The following CDH12 variants were observed in gnomAD, a reference collection of about 807,000 sequenced individuals.
The protein encoded by CDH12 is cadherin 12.
Under a neutral mutation model 74.1 loss-of-function variants are expected in CDH12, and 41 were observed. The ratio of observed to expected loss-of-function variants is 0.55; its 90% CI spans 0.43 to 0.72. The LOEUF is 0.72. CDH12 is among the 30% of genes least tolerant of loss of function. The pLI is 0.00. For synonymous variants in CDH12, 399 were observed against 355.0 expected, an observed-to-expected ratio of 1.12 and a Z score of -1.39; for missense variants, 945 against 977.2, an observed-to-expected ratio of 0.97 and a Z score of 0.44.
At chr5:22,116,970 C>CT (rs1359217417) in intron 4 of CDH12, among the ~76,000 whole-genome samples, 1 of 82,432 alleles carries the variant, frequency 1.2e-5, no homozygotes, top group Non-Finnish European at 2.5e-5. Flanking sequence ...CCTCTTTTTT[C>CT]TTTTTTCCTG....
chr5:21,872,402 C>T (rs757914313), intron 6 of CDH12, among the ~76,000 whole-genome samples: 17 of 152,110 alleles, frequency 1.1e-4, no homozygotes, highest in Non-Finnish European at 2.2e-4. Context: ...TCTATAGTAC[C>T]ATAAATATCA....
Position 22,803,202 on chromosome 5 carries a change from G to C in CDH12, c.-523+49856C>G, listed in dbSNP as rs370040174. On this transcript the variant is annotated intron_variant, in intron 1 of 14. Coordinates refer to ENST00000382254, the MANE Select transcript of CDH12 (RefSeq NM_004061.5). Reference sequence around the variant, plus strand: ...AAAGTTTATAATAGGCATTATTTTCGTGTTAGTCTTCCACATCTCCAAAAA... The same window carrying C: ...AAAGTTTATAATAGGCATTATTTTCCTGTTAGTCTTCCACATCTCCAAAAA... Among the ~76,000 whole-genome samples the C allele has an allele frequency of 3.9e-5, 6 of 152,166 alleles. No homozygotes were observed. In the East Asian group the frequency reaches 1.2e-3, roughly 29 times the overall value.
At chr5:22,195,164 G>A (rs1750548900) in intron 4 of CDH12, among the ~76,000 whole-genome samples, 1 of 152,200 alleles carries the variant, frequency 6.6e-6, no homozygotes, top group African/African-American at 2.4e-5. Flanking sequence ...TGAGACCAAG[G>A]TCGTAGCTAG....
At chr5:21,913,024 G>A (rs1753931287) in intron 6 of CDH12, among the ~76,000 whole-genome samples, 1 of 152,108 alleles carries the variant, frequency 6.6e-6, no homozygotes, top group Non-Finnish European at 1.5e-5. Context: ...TGTATTTTTA[G>A]TAGATATGGG....
intron 6 of CDH12, among the ~76,000 whole-genome samples, chr5:21,971,696 G>T (rs1265997661): frequency 1.3e-5 from 2 of 152,066 alleles, no homozygotes; most frequent in South Asian, 2.1e-4. Flanking sequence ...ATTAAAGAGG[G>T]TACATTCCTA....
At chr5:22,146,539 C>G (rs1021802630) in intron 4 of CDH12, among the ~76,000 whole-genome samples, 2 of 151,910 alleles carry the variant, frequency 1.3e-5, no homozygotes, top group African/African-American at 2.4e-5. Context: ...TGGCCTCTAC[C>G]CCATTACGTT....
intron 1 of CDH12, among the ~76,000 whole-genome samples, chr5:22,830,478 C>T (rs899424056): frequency 1.3e-5 from 2 of 151,532 alleles, no homozygotes; most frequent in South Asian, 2.1e-4. Flanking sequence ...GATGATATTC[C>T]CCCTAATGAT....
chr5:22,575,646 C>T (rs776522829), intron 1 of CDH12, among the ~76,000 whole-genome samples: 2 of 152,116 alleles, frequency 1.3e-5, no homozygotes, highest in Admixed American at 6.5e-5. Flanking sequence ...ATCACTACAA[C>T]GTCTGCCTCC....
chr5:22,631,515 T>C (rs550186215), intron 1 of CDH12, among the ~76,000 whole-genome samples: 8 of 152,252 alleles, frequency 5.3e-5, no homozygotes, highest in Admixed American at 1.3e-4. Flanking sequence ...GCCATTATCT[T>C]AAGTGAACCG....
At chr5:22,400,238 T>C (rs1742670538) in intron 3 of CDH12, among the ~76,000 whole-genome samples, 1 of 152,140 alleles carries the variant, frequency 6.6e-6, no homozygotes, top group Admixed American at 6.6e-5. Flanking sequence ...GTTTTTTTTA[T>C]TGTATGCTTC....
chr5:22,218,235 G>T (rs921641499), intron 3 of CDH12, among the ~76,000 whole-genome samples: 1 of 151,474 alleles, frequency 6.6e-6, no homozygotes, highest in Non-Finnish European at 1.5e-5. Context: ...CAGCCATCTC[G>T]CTCTGAAGTA....
At chr5:22,154,460 CAT>C (rs1554015844) in intron 4 of CDH12, among the ~76,000 whole-genome samples, 2 of 972 alleles carry the variant, frequency 2.1e-3, no homozygotes, top group South Asian at 0.042. Context: ...TATATGTACA[CAT>C]ATATATGTAC....
intron 6 of CDH12, among the ~76,000 whole-genome samples, chr5:21,901,722 C>T (rs143756864): frequency 1.3e-5 from 2 of 152,242 alleles, no homozygotes; most frequent in East Asian, 1.9e-4. Flanking sequence ...CCACTTTGAA[C>T]TCCCAAGCAA....
At chr5:22,434,421 C>T (rs985932995) in intron 2 of CDH12, among the ~76,000 whole-genome samples, 3 of 152,004 alleles carry the variant, frequency 2.0e-5, no homozygotes, top group African/African-American at 4.8e-5. Context: ...TTTTTCTTGT[C>T]CAAATTTTCC....
chr5:22,639,646 T>G (rs1739039060), intron 1 of CDH12, among the ~76,000 whole-genome samples: 1 of 152,092 alleles, frequency 6.6e-6, no homozygotes, highest in African/African-American at 2.4e-5. Flanking sequence ...TACTTTCCAG[T>G]TTCCAAAGGC....
intron 2 of CDH12, among the ~76,000 whole-genome samples, chr5:22,426,300 GTTTTA>G (rs1376285829): frequency 1.3e-5 from 2 of 149,046 alleles, no homozygotes; most frequent in Non-Finnish European, 1.5e-5. Flanking sequence ...ATATTGTTGT[GTTTTA>G]TTTTATTTTT....
intron 1 of CDH12, among the ~76,000 whole-genome samples, chr5:22,540,454 A>T (rs1392098611): frequency 6.6e-6 from 1 of 152,142 alleles, no homozygotes; most frequent in African/African-American, 2.4e-5. Flanking sequence ...TCACATTTTT[A>T]AACAGCTACC....
Position 22,784,691 on chromosome 5 carries a change from T to C in CDH12, c.-523+68367A>G, listed in dbSNP as rs7711219. 4.9e-3 allele frequency among the ~76,000 whole-genome samples: 748 copies of C among 152,306 alleles called. 6 individuals are homozygous for C. The highest frequency in any genetic ancestry group is 0.017 in the African/African-American group (721 of 41,568). On this transcript the variant is annotated intron_variant, in intron 1 of 14. Transcript: ENST00000382254. ...GACCCAATACAGCCTGGTCCCGTTA[T>C]AAACTCCATTATTGTATTTTCCTGC...
chr5:22,047,138 T>C (rs1297511849), intron 5 of CDH12, among the ~76,000 whole-genome samples: 1 of 152,172 alleles, frequency 6.6e-6, no homozygotes, highest in Non-Finnish European at 1.5e-5. Flanking sequence ...AGGTTATCCT[T>C]GTCTATGGAT....
Sources: allele counts gnomAD v4.1 joint callset (sites outside exome capture counted in the v4.1 genomes callset), GRCh38; gene constraint gnomAD v4.1.1; transcripts MANE v1.5; gene names NCBI Gene and HGNC (gene_info 2026-07-23, HGNC 2026-07-21).